Variants in PDE3A observed in about 807,000 individuals in gnomAD.
PDE3A encodes the protein cGMP-inhibited 3',5'-cyclic phosphodiesterase 3A.
PDE3A carries 43 observed loss-of-function variants against 98.3 expected under a neutral mutation model. That is an observed-to-expected ratio of 0.44 (90% CI 0.34 to 0.56). The LOEUF (loss-of-function observed/expected upper bound fraction) is 0.56. Ranked by LOEUF, PDE3A falls within the 20% of genes least tolerant of loss-of-function variation. The probability of loss-of-function intolerance (pLI) is 0.01; values close to 1 mark genes in which losing one functional copy is unlikely to be tolerated. For synonymous variants in PDE3A, 663 were observed against 567.9 expected (o/e 1.17, Z -2.38); for missense variants, 1,427 against 1,440.7 (o/e 0.99, Z 0.15).
intron 14 of PDE3A, among the ~76,000 whole-genome samples, 161 bp downstream of exon 14, chr12:20,650,761 G>A (rs1394816780): frequency 3.3e-5 from 5 of 152,172 alleles, no homozygotes; most frequent in South Asian, 2.1e-4. Context: ...AAAAAGTGAC[G>A]TATAAAAATT....
rs1459647853 is a variant in PDE3A at position 20,688,535 on chromosome 12, C to T, written c.*8264C>T. ...AAATTATGTCCTAGATTATCTATGTCGATGTTATGAGTGAAGATAATGTAT... is the reference window on the plus strand; with the variant it reads ...AAATTATGTCCTAGATTATCTATGTTGATGTTATGAGTGAAGATAATGTAT... On this transcript the variant is annotated 3_prime_UTR_variant, in exon 16 of 16. Transcript: ENST00000359062. Among the ~76,000 whole-genome samples, 2 of 151,500 alleles carry T rather than the reference C, an allele frequency of 1.3e-5. No individual in the cohort carries two copies. The highest frequency in any genetic ancestry group is 2.9e-5 in the Non-Finnish European group (2 of 67,906).
In PDE3A at chr12:20,686,319, T is replaced by C. The variant is rs901951587; in HGVS notation, c.*6048T>C. On this transcript the variant is annotated 3_prime_UTR_variant, in exon 16 of 16. Coordinates refer to ENST00000359062, the MANE Select transcript of PDE3A (RefSeq NM_000921.5). Reference sequence around the variant, plus strand: ...AGCAATTTATTGTTTTGTGTTGTTATAAAATAAATGTTCTATTAATGTATA... The same window carrying C: ...AGCAATTTATTGTTTTGTGTTGTTACAAAATAAATGTTCTATTAATGTATA... Among the ~76,000 whole-genome samples, 15 of 152,186 alleles carry C rather than the reference T, an allele frequency of 9.9e-5. No individual in the cohort carries two copies. The highest frequency in any genetic ancestry group is 2.2e-4 in the Non-Finnish European group (15 of 68,006).
chr12:20,630,272 A>C (rs1944351365), intron 6 of PDE3A, 145 bp downstream of exon 6: 1 of 620,638 alleles, frequency 1.6e-6, no homozygotes, highest in South Asian at 2.0e-5. Context: ...TTTGTGTTGA[A>C]TAGGCTACAA....
At chr12:20,636,239 G>A (rs1944511221) in intron 8 of PDE3A, among the ~76,000 whole-genome samples, 1 of 152,174 alleles carries the variant, frequency 6.6e-6, no homozygotes, top group Admixed American at 6.5e-5. Context: ...TAAGGAGGAT[G>A]GAAGCATATA....
At chr12:20,407,951 G>T (rs1440902682) in intron 1 of PDE3A, among the ~76,000 whole-genome samples, 1 of 151,884 alleles carries the variant, frequency 6.6e-6, no homozygotes, top group African/African-American at 2.4e-5. Flanking sequence ...ACTAAATGTT[G>T]CTCTGTCCCC....
At chr12:20,524,751 A>G (rs917352737) in intron 1 of PDE3A, among the ~76,000 whole-genome samples, 1 of 152,098 alleles carries the variant, frequency 6.6e-6, no homozygotes, top group Admixed American at 6.6e-5. Flanking sequence ...CCATTCCACA[A>G]TCTTGGAAAG....
chr12:20,457,482 C>T (rs1055035946), intron 1 of PDE3A, among the ~76,000 whole-genome samples: 2 of 151,614 alleles, frequency 1.3e-5, no homozygotes, highest in African/African-American at 4.8e-5. Context: ...CATATATGCA[C>T]AACTTAATTC....
intron 1 of PDE3A, among the ~76,000 whole-genome samples, chr12:20,542,117 A>G (rs2121222611): frequency 6.6e-6 from 1 of 152,150 alleles, no homozygotes; most frequent in South Asian, 2.1e-4. Context: ...AGTAGCAGGG[A>G]AAATGTTTGG....
chr12:20,632,355 GA>G (rs1231099529), intron 6 of PDE3A, among the ~76,000 whole-genome samples: 3 of 151,602 alleles, frequency 2.0e-5, no homozygotes, highest in South Asian at 2.1e-4. Context: ...CACAATTCAG[GA>G]AAAAAAATGA....
chr12:20,496,392 T>A (rs950091089), intron 1 of PDE3A, among the ~76,000 whole-genome samples: 1 of 152,154 alleles, frequency 6.6e-6, no homozygotes, highest in Non-Finnish European at 1.5e-5. Flanking sequence ...CCTTAGAACT[T>A]GTTCAAGAGG....
chr12:20,528,542 G>C (rs970212707), intron 1 of PDE3A, among the ~76,000 whole-genome samples: 2 of 152,172 alleles, frequency 1.3e-5, no homozygotes, highest in African/African-American at 4.8e-5. Context: ...CCTTGATTAT[G>C]TTTATAATGT....
chr12:20,516,405 A>G (rs1946324498), intron 1 of PDE3A, among the ~76,000 whole-genome samples: 1 of 152,220 alleles, frequency 6.6e-6, no homozygotes, highest in Non-Finnish European at 1.5e-5. Flanking sequence ...ATCTTTCAAA[A>G]TGGTAGTGAA....
At chr12:20,560,648 CTTAT>C (rs2121282967) in intron 2 of PDE3A, among the ~76,000 whole-genome samples, 1 of 152,190 alleles carries the variant, frequency 6.6e-6, no homozygotes, top group African/African-American at 2.4e-5. Context: ...TATTTACTTA[CTTAT>C]TTGTTTATTT....
At chr12:20,414,307 A>G (rs561173460) in intron 1 of PDE3A, among the ~76,000 whole-genome samples, 1 of 152,310 alleles carries the variant, frequency 6.6e-6, no homozygotes, top group Non-Finnish European at 1.5e-5. Flanking sequence ...ACAAGAGAGT[A>G]GAGGTGAATT....
Position 20,443,956 on chromosome 12 carries a change from C to T in PDE3A, c.960+73712C>T, listed in dbSNP as rs572453764. ...TAAAGGCAGACTCCTTCGGTGAGCTCCCCTGTGGCAATATGAGAGAAGGAA... is the reference window on the plus strand; with the variant it reads ...TAAAGGCAGACTCCTTCGGTGAGCTTCCCTGTGGCAATATGAGAGAAGGAA... On this transcript the variant is annotated intron_variant, in intron 1 of 15. Coordinates refer to ENST00000359062, the MANE Select transcript of PDE3A (RefSeq NM_000921.5). Among the ~76,000 whole-genome samples, 9 of 152,194 alleles carry T rather than the reference C, an allele frequency of 5.9e-5. No homozygotes were observed. The South Asian group carries it at 1.9e-3, about 32-fold the overall frequency.
At chr12:20,658,219 A>G (rs1322325830) in intron 15 of PDE3A, among the ~76,000 whole-genome samples, 1 of 152,196 alleles carries the variant, frequency 6.6e-6, no homozygotes, top group Non-Finnish European at 1.5e-5. Context: ...CCTTGTTAGG[A>G]GGCTTTCAAA....
At chr12:20,515,697 G>GTTT (rs1477344106) in intron 1 of PDE3A, among the ~76,000 whole-genome samples, 2 of 134,612 alleles carry the variant, frequency 1.5e-5, no homozygotes, top group Admixed American at 7.7e-5. Flanking sequence ...ATCTCACACT[G>GTTT]TATTATTTAT....
At chr12:20,488,738 A>G (rs1243500310) in intron 1 of PDE3A, among the ~76,000 whole-genome samples, 2 of 152,040 alleles carry the variant, frequency 1.3e-5, no homozygotes, top group Non-Finnish European at 2.9e-5. Context: ...TACTGTAGGT[A>G]CAAAGCCACC....
rs182206440 is a variant in PDE3A, at chr12:20,619,407, C to T, written c.1425-1889C>T. On this transcript the variant is annotated intron_variant, in intron 4 of 15. Coordinates refer to ENST00000359062, the MANE Select transcript of PDE3A (RefSeq NM_000921.5). ...TCTGATATATTAAAACATTCAGTTA[C>T]TGTAAGGCATTGTCTTTAAAAAGCC... Among the ~76,000 whole-genome samples, 600 of 152,096 alleles carry T rather than the reference C, an allele frequency of 3.9e-3. 2 individuals carry two copies. The highest frequency in any genetic ancestry group is 5.9e-3 in the Non-Finnish European group (404 of 67,936).
Sources: allele counts gnomAD v4.1 joint callset (sites outside exome capture counted in the v4.1 genomes callset), GRCh38; gene constraint gnomAD v4.1.1; transcripts MANE v1.5; gene names NCBI Gene and HGNC (gene_info 2026-07-23, HGNC 2026-07-21).